Variants in PTP4A1 observed in about 807,000 individuals in gnomAD.
PTP4A1 encodes protein tyrosine phosphatase type IVA 1.
PTP4A1 carries 9 observed loss-of-function variants against 20.5 expected under a neutral mutation model. That is an observed-to-expected ratio of 0.44 (90% CI 0.26 to 0.77). The LOEUF (loss-of-function observed/expected upper bound fraction) is 0.77. Ranked by LOEUF, PTP4A1 falls within the 30% of genes least tolerant of loss-of-function variation. The pLI is 0.19. For synonymous variants in PTP4A1, 78 were observed against 67.4 expected (o/e 1.16, Z -0.77); for missense variants, 137 against 218.8 (o/e 0.63, Z 2.36).
intron 1 of PTP4A1, among the ~76,000 whole-genome samples, chr6:63,526,677 G>C (rs921796782): frequency 6.6e-6 from 1 of 151,192 alleles, no homozygotes; most frequent in Non-Finnish European, 1.5e-5. Flanking sequence ...ACGTGGTGGC[G>C]TGTGCCTGTA....
rs1562112424 is a variant in PTP4A1 at position 63,529,165 on chromosome 6, A to ATATATATATGTATATATATGTGTG, written c.-640+1090_-640+1091insGTATATATATGTGTGTATATATAT. Among the ~76,000 whole-genome samples, 180 of 43,508 alleles carry ATATATATATGTATATATATGTGTG rather than the reference A, an allele frequency of 4.1e-3. 6 individuals are homozygous for ATATATATATGTATATATATGTGTG. The East Asian group carries it at 0.056, about 14-fold the overall frequency. The allele number at this position is 43,508 out of a possible 152,430, so 28.5% of individuals were successfully genotyped here. A position where few individuals can be genotyped will look rare whatever the true frequency, so the allele number is the denominator to read the frequency against. On this transcript the variant is annotated intron_variant, in intron 2 of 3. Coordinates refer to the PTP4A1 transcript ENST00000639568. ...TATATATATGTATATATATGTGTGT[A>ATATATATATGTATATATATGTGTG]TATATATATATGTATATATATGTGT...
rs1215978629 is a variant in PTP4A1, at chr6:63,582,189, TTTG to T, written c.*2018_*2020del. 1 of 151,856 alleles carries T rather than the reference TTTG, an allele frequency of 6.6e-6. No homozygotes were observed. Among genetic ancestry groups the T allele is most frequent in the African/African-American group, 2.4e-5 (1 of 41,268 alleles). The allele number at this position is 151,856 out of a possible 1,614,324, so 9.4% of individuals were successfully genotyped here. ...TTTTGGCTAATTTTTAACCTGAGGT[TTTG>T]TTTTTTTTTTAAAGGAAATGCAGCC... On this transcript the variant is annotated 3_prime_UTR_variant, in exon 6 of 6. Coordinates refer to ENST00000626021, the MANE Select transcript of PTP4A1 (RefSeq NM_003463.5).
chr6:63,580,177 T>C lies in PTP4A1; in HGVS notation c.*3T>C, dbSNP rs1778135897. On this transcript the variant is annotated 3_prime_UTR_variant, in exon 6 of 6. Transcript: ENST00000626021. Reference sequence around the variant, plus strand: ...GAAACAACTGTTGCATTCAATAAAATTGGGGTGCCTAATGCTACTGGAAGT... The same window carrying C: ...GAAACAACTGTTGCATTCAATAAAACTGGGGTGCCTAATGCTACTGGAAGT... The C allele has an allele frequency of 1.3e-6, 2 of 1,597,814 alleles. No homozygotes were observed. The highest frequency in any genetic ancestry group is 2.2e-5 in the East Asian group (1 of 44,772).
intron 2 of PTP4A1, among the ~76,000 whole-genome samples, chr6:63,529,968 A>G (rs1159072568): frequency 6.6e-6 from 1 of 152,142 alleles, no homozygotes; most frequent in Non-Finnish European, 1.5e-5. Flanking sequence ...TTGTCTTTTC[A>G]CCATTATTTA....
chr6:63,546,512 C>T (rs1277100905), intron 2 of PTP4A1, among the ~76,000 whole-genome samples: 1 of 152,130 alleles, frequency 6.6e-6, no homozygotes, highest in African/African-American at 2.4e-5. Context: ...TCGAGACCAG[C>T]CTGACCAATA....
intron 2 of PTP4A1, among the ~76,000 whole-genome samples, chr6:63,548,049 A>T (rs1776281681): frequency 1.3e-5 from 2 of 152,090 alleles, no homozygotes; most frequent in South Asian, 4.1e-4. Context: ...TTTTCTGCCC[A>T]CATCCCCCAT....
At chr6:63,544,392 T>G (rs1776100768) in intron 2 of PTP4A1, among the ~76,000 whole-genome samples, 1 of 152,172 alleles carries the variant, frequency 6.6e-6, no homozygotes, top group African/African-American at 2.4e-5. Context: ...TCTTTAACAC[T>G]TTAGTGTCCT....
At chr6:63,559,186 T>C (rs1317740506) in intron 3 of PTP4A1, among the ~76,000 whole-genome samples, 2 of 152,190 alleles carry the variant, frequency 1.3e-5, no homozygotes, top group Admixed American at 6.5e-5. Context: ...AATAACATGC[T>C]AATGAGGAAA....
At chr6:63,531,908 T>G (rs2149478031) in intron 2 of PTP4A1, among the ~76,000 whole-genome samples, 1 of 152,142 alleles carries the variant, frequency 6.6e-6, no homozygotes, top group South Asian at 2.1e-4. Flanking sequence ...TTCAAGCAAT[T>G]CTCTGCCTCA....
rs943637330 is a variant in PTP4A1, at chr6:63,572,490, G to A, written c.-675G>A. The A allele has an allele frequency of 2.1e-5, 8 of 387,712 alleles. No individual in the cohort carries two copies. Among genetic ancestry groups the A allele is most frequent in the Non-Finnish European group, 3.7e-5 (8 of 219,154 alleles). 24.0% of individuals were successfully genotyped at this position (387,712 alleles called of 1,614,324 possible). Reference sequence around the variant, plus strand: ...TTGTGACGCAAGGGCGCCTCGGCGCGTGTATTGGCTCCTTCGGCTGCGGGC... The same window carrying A: ...TTGTGACGCAAGGGCGCCTCGGCGCATGTATTGGCTCCTTCGGCTGCGGGC... On this transcript the variant is annotated 5_prime_UTR_variant, in exon 1 of 6. In the 5' UTR this introduces an upstream ATG that the reference lacks. Coordinates refer to ENST00000626021, the MANE Select transcript of PTP4A1 (RefSeq NM_003463.5).
At chr6:63,528,130 A>G (rs1390214036) in intron 2 of PTP4A1, 2 of 152,228 alleles carry the variant, frequency 1.3e-5, no homozygotes, top group Non-Finnish European at 2.9e-5. Context: ...TCTTAAAGCC[A>G]TAGAGTGGTT....
upstream of PTP4A1, among the ~76,000 whole-genome samples, chr6:63,520,996 CACCGCATGG>C (rs1774899558): frequency 6.6e-6 from 1 of 152,044 alleles, no homozygotes; most frequent in East Asian, 1.9e-4. Flanking sequence ...GGAAACCAAA[CACCGCATGG>C]TCTCACTCAT....
chr6:63,540,934 C>T (rs1223904674), intron 2 of PTP4A1, among the ~76,000 whole-genome samples: 1 of 150,370 alleles, frequency 6.7e-6, no homozygotes, highest in Non-Finnish European at 1.5e-5. Flanking sequence ...ACCCCGGGGG[C>T]GGAGGTTGCA....
intron 2 of PTP4A1, among the ~76,000 whole-genome samples, chr6:63,542,854 T>C (rs1776038430): frequency 6.6e-6 from 1 of 152,144 alleles, no homozygotes; most frequent in South Asian, 2.1e-4. Context: ...CCTACCTGAT[T>C]CATCCAAGCC....
chr6:63,537,717 C>T (rs1775783948), intron 2 of PTP4A1, among the ~76,000 whole-genome samples: 1 of 152,192 alleles, frequency 6.6e-6, no homozygotes, highest in Non-Finnish European at 1.5e-5. Flanking sequence ...CCATTAACAC[C>T]CTTGTCAGCA....
chr6:63,539,473 C>T (rs1264171756), intron 2 of PTP4A1, among the ~76,000 whole-genome samples: 2 of 152,008 alleles, frequency 1.3e-5, no homozygotes, highest in African/African-American at 4.8e-5. Context: ...AACAGGAAAT[C>T]TAAAAGAAAA....
intron 2 of PTP4A1, among the ~76,000 whole-genome samples, chr6:63,531,512 C>CTTT (rs753354152): frequency 1.9e-4 from 25 of 128,548 alleles, no homozygotes; most frequent in Non-Finnish European, 2.7e-4. Context: ...ATCTATTATG[C>CTTT]TTTTTTTTTT....
intron 1 of PTP4A1, among the ~76,000 whole-genome samples, chr6:63,522,138 T>C (rs1774950160): frequency 6.6e-6 from 1 of 152,264 alleles, no homozygotes; most frequent in Admixed American, 6.5e-5. Context: ...CAGATTAGGC[T>C]CTTGAATTTC....
intron 3 of PTP4A1, among the ~76,000 whole-genome samples, chr6:63,557,608 T>C (rs922670354): frequency 3.9e-5 from 6 of 151,982 alleles, no homozygotes; most frequent in Admixed American, 6.6e-5. Context: ...TTAGGGGAAG[T>C]AGCAAGAGAA....
Sources: allele counts gnomAD v4.1 joint callset (sites outside exome capture counted in the v4.1 genomes callset), GRCh38; gene constraint gnomAD v4.1.1; transcripts MANE v1.5; gene names NCBI Gene and HGNC (gene_info 2026-07-23, HGNC 2026-07-21).